GLS: variants seen among roughly 807,000 people sequenced by gnomAD.
GLS encodes the protein glutaminase.
GLS carries 36 observed loss-of-function variants against 86.7 expected under a neutral mutation model. That is an observed-to-expected ratio of 0.42 (90% CI 0.32 to 0.55). The LOEUF (loss-of-function observed/expected upper bound fraction) is 0.55, where lower values mean the gene tolerates loss of function less well. Among genes scored for constraint, GLS ranks in the 20% least tolerant of loss-of-function variants. The pLI is 0.17. For synonymous variants in GLS, 317 were observed against 305.9 expected (o/e 1.04, Z -0.38); for missense variants, 528 against 833.4 (o/e 0.63, Z 4.51).
intron 11 of GLS, among the ~76,000 whole-genome samples, chr2:190,925,499 A>C (rs1024561502): frequency 6.6e-6 from 1 of 152,228 alleles, no homozygotes; most frequent in African/African-American, 2.4e-5. Context: ...TCTTTCACCC[A>C]CATTTTCAGC....
chr2:190,881,466 G>A lies in GLS; in HGVS notation c.382G>A (p.Glu128Lys). 6.5e-7 allele frequency: 1 copy of A among 1,540,006 alleles called. No homozygotes were observed. Among genetic ancestry groups the A allele is most frequent in the Non-Finnish European group, 8.8e-7 (1 of 1,142,334 alleles). Residue 128 changes from glutamate to lysine, a missense_variant, in exon 1 of 18, where the codon GAA (glutamate) becomes AAA (lysine). Glu to Lys is a moderately conservative substitution (Grantham distance 56). Transcript: ENST00000320717. ...GGGCAAAGAGCTGGTGGCCTCAGGT[G>A]AAAAGTGAGTGTCTCCGCGAGGCGC... Reference protein sequence around the residue: ...SEGKELVASGENKIKQGLLPS... With the variant: ...SEGKELVASGKNKIKQGLLPS...
rs1167394102 is a variant in GLS, at chr2:190,953,191, T to C, written c.1651-374T>C. ...TATAGCATGATTTAATTTTTAATAA[T>C]GTGAATTTTATCAGCATACAGACTT... On this transcript the variant is annotated intron_variant, in intron 14 of 17. Coordinates refer to ENST00000320717, the MANE Select transcript of GLS (RefSeq NM_014905.5). The surrounding 1 kb of genome is among the most constrained non-coding windows in gnomAD (Gnocchi z 4.0). Among the ~76,000 whole-genome samples the C allele has an allele frequency of 6.6e-6, 1 of 152,240 alleles. No homozygotes were observed. The highest frequency in any genetic ancestry group is 2.4e-5 in the African/African-American group (1 of 41,468).
At position 190,935,250 on chromosome 2, in the gene GLS, C is replaced by G. The variant is rs1456602227; in HGVS notation, c.1650+3613C>G. 1.4e-6 allele frequency: 1 copy of G among 716,892 alleles called. No homozygotes were observed. The highest frequency in any genetic ancestry group is 1.7e-6 in the Non-Finnish European group (1 of 585,488). 44.4% of individuals were successfully genotyped at this position (716,892 alleles called of 1,614,324 possible). ...TAATGTACCTTTATTTTCCAGTATG[C>G]CTACATTTTGTATTGCACAATAAAT... On this transcript the variant is annotated intron_variant, in intron 14 of 17. Transcript: ENST00000320717. The surrounding 1 kb of genome is among the most constrained non-coding windows in gnomAD (Gnocchi z 4.2).
intron 17 of GLS, among the ~76,000 whole-genome samples, chr2:190,959,442 T>C (rs1690946273): frequency 6.6e-6 from 1 of 152,334 alleles, no homozygotes; most frequent in Non-Finnish European, 1.5e-5. Flanking sequence ...TATTGTTATG[T>C]GTGAATTTGA....
At chr2:190,942,620 T>A (rs11683679) in intron 14 of GLS, among the ~76,000 whole-genome samples, 50,398 of 152,086 alleles carry the variant, frequency 0.33, 10,710 homozygotes, top group Non-Finnish European at 0.47. Flanking sequence ...TACCAGGTTT[T>A]TAGTATGAGC....
intron 1 of GLS, among the ~76,000 whole-genome samples, chr2:190,893,522 T>G (rs1443980741): frequency 6.6e-6 from 1 of 152,226 alleles, no homozygotes; most frequent in East Asian, 1.9e-4. Context: ...TGTAAAACAC[T>G]TAGCACAGTG....
intron 11 of GLS, chr2:190,927,062 G>T: frequency 2.7e-6 from 1 of 372,802 alleles, no homozygotes; most frequent in South Asian, 5.7e-5. Context: ...TTAGAGGCTG[G>T]CACTTCCTAG....
At chr2:190,950,330 G>C (rs1164260546) in intron 14 of GLS, among the ~76,000 whole-genome samples, 2 of 152,156 alleles carry the variant, frequency 1.3e-5, no homozygotes, top group Non-Finnish European at 2.9e-5. Context: ...GAAAGGCACG[G>C]GAGTTCCTTG....
In GLS at chr2:190,953,525, TC is replaced by T; in HGVS notation, c.1651-39del. ...TGACAGGTGGACGTTGTATGTGTTT[TC>T]TCTCTCCTAAGGATGCCTAAACTTT... On this transcript the variant is annotated intron_variant, in intron 14 of 17. Coordinates refer to ENST00000320717, the MANE Select transcript of GLS (RefSeq NM_014905.5). This position sits in a 1 kb window ranked among gnomAD's most constrained non-coding sequence, Gnocchi z 4.0. The T allele has an allele frequency of 1.4e-6, 2 of 1,391,276 alleles. No individual in the cohort carries two copies. The highest frequency in any genetic ancestry group is 2.0e-6 in the Non-Finnish European group (2 of 977,488). The allele number at this position is 1,391,276 out of a possible 1,614,324, so 86.2% of individuals were successfully genotyped here.
At position 190,938,633 on chromosome 2, in the gene GLS, A is replaced by AT. The variant is rs1382075868; in HGVS notation, c.1650+7003dup. 8.6e-5 allele frequency among the ~76,000 whole-genome samples: 13 copies of AT among 151,362 alleles called. No individual in the cohort carries two copies. In the East Asian group the frequency reaches 2.3e-3, roughly 27 times the overall value. On this transcript the variant is annotated intron_variant, in intron 14 of 17. Coordinates refer to ENST00000320717, the MANE Select transcript of GLS (RefSeq NM_014905.5). The surrounding 1 kb of genome is among the most constrained non-coding windows in gnomAD (Gnocchi z 4.1). ...TTGCTTTTTCTATTAGCATATTTAGATTTTTTTCTCTTGAGGGGGTTGGTC... is the reference window on the plus strand; with the variant it reads ...TTGCTTTTTCTATTAGCATATTTAGATTTTTTTTCTCTTGAGGGGGTTGGTC...
rs1251674919 is a variant in GLS, at chr2:190,963,653, C to G, written c.*667C>G. On this transcript the variant is annotated 3_prime_UTR_variant, in exon 18 of 18. Transcript: ENST00000320717. The stretch of plus-strand genomic sequence containing the variant: ...TGAAAAATTTTCCTTTTTCTATATC[C>G]CCTTAGTCCAGCCTCTCTTCTCAGA... The G allele has an allele frequency of 6.6e-6, 1 of 152,504 alleles. No homozygotes were observed. The highest frequency in any genetic ancestry group is 1.5e-5 in the Non-Finnish European group (1 of 68,012). 9.4% of individuals were successfully genotyped at this position (152,504 alleles called of 1,614,324 possible). A position where few individuals can be genotyped will look rare whatever the true frequency, so the allele number is the denominator to read the frequency against.
chr2:190,954,097 C>CT lies in GLS; in HGVS notation c.1713-477dup, dbSNP rs35957111. On this transcript the variant is annotated intron_variant, in intron 15 of 17. Coordinates refer to ENST00000320717, the MANE Select transcript of GLS (RefSeq NM_014905.5). This position sits in a 1 kb window ranked among gnomAD's most constrained non-coding sequence, Gnocchi z 4.0. The stretch of plus-strand genomic sequence containing the variant: ...TTTGTGTAGAGTTGTAACTTATTTT[C>CT]TTTTTTTTTTCTCCCATTAATACCT... Among the ~76,000 whole-genome samples, 23 of 147,038 alleles carry CT rather than the reference C, an allele frequency of 1.6e-4. No individual in the cohort carries two copies. The highest frequency in any genetic ancestry group is 2.5e-4 in the African/African-American group (10 of 40,080).
intron 14 of GLS, among the ~76,000 whole-genome samples, chr2:190,940,567 C>T (rs1317302888): frequency 6.6e-6 from 1 of 152,008 alleles, no homozygotes; most frequent in African/African-American, 2.4e-5. Context: ...CTCTGCTTCT[C>T]TTCTAGAATT....
chr2:190,884,907 C>G (rs1291830306), intron 1 of GLS, among the ~76,000 whole-genome samples: 1 of 152,126 alleles, frequency 6.6e-6, no homozygotes, highest in East Asian at 1.9e-4. Flanking sequence ...ATTATTAGTT[C>G]AGTTACTTTA....
chr2:190,900,781 G>A, intron 4 of GLS, 88 bp downstream of exon 4: 1 of 991,982 alleles, frequency 1.0e-6, no homozygotes, highest in Admixed American at 2.4e-5. Flanking sequence ...TTGTGTAGTT[G>A]TGTTTTGCTA....
chr2:190,924,242 T>C lies in GLS; in HGVS notation c.1197+259T>C, dbSNP rs1192139815. ...TTTTGTTTGAGGTTTAGTCTATTTT[T>C]TCAAAAGCATGATGCCTGATTACTG... is the stretch of plus-strand genomic sequence containing the variant. On this transcript the variant is annotated intron_variant, in intron 10 of 17. Transcript: ENST00000320717. The surrounding 1 kb of genome is among the most constrained non-coding windows in gnomAD (Gnocchi z 5.2). 6.6e-6 allele frequency among the ~76,000 whole-genome samples: 1 copy of C among 152,186 alleles called. No individual in the cohort carries two copies. The highest frequency in any genetic ancestry group is 2.4e-5 in the African/African-American group (1 of 41,454).
Position 190,895,364 on chromosome 2 carries a change from A to G in GLS, c.483+116A>G, listed in dbSNP as rs886582319. ...TGACATGTAGATTCTGACTGACAAT[A>G]TTTCTCTTATTATGTTTTCAAATTT... On this transcript the variant is annotated intron_variant, in intron 2 of 17. Coordinates refer to ENST00000320717, the MANE Select transcript of GLS (RefSeq NM_014905.5). The surrounding 1 kb of genome is among the most constrained non-coding windows in gnomAD (Gnocchi z 4.2). 2 of 547,234 alleles carry G rather than the reference A, an allele frequency of 3.7e-6. No homozygotes were observed. The highest frequency in any genetic ancestry group is 3.4e-5 in the South Asian group (1 of 29,122). The allele number at this position is 547,234 out of a possible 1,614,324, so 33.9% of individuals were successfully genotyped here.
At chr2:190,904,249 G>T (rs539283812) in intron 5 of GLS, among the ~76,000 whole-genome samples, 2 of 151,674 alleles carry the variant, frequency 1.3e-5, no homozygotes, top group Non-Finnish European at 2.9e-5. Context: ...ACTGAGTTCT[G>T]TTTAACTTTT....
At chr2:190,899,776 T>C (rs1688874417) in intron 3 of GLS, among the ~76,000 whole-genome samples, 1 of 152,168 alleles carries the variant, frequency 6.6e-6, no homozygotes. Flanking sequence ...AAATTCTTTT[T>C]AGCAAAAAGC....
Sources: allele counts gnomAD v4.1 joint callset (sites outside exome capture counted in the v4.1 genomes callset), GRCh38; gene constraint gnomAD v4.1.1; non-coding constraint Gnocchi (gnomAD v3.1); transcripts MANE v1.5; gene names NCBI Gene and HGNC (gene_info 2026-07-23, HGNC 2026-07-21).